MED13L: variants seen among roughly 807,000 people sequenced by gnomAD.
The protein encoded by MED13L is mediator of RNA polymerase II transcription subunit 13-like.
A neutral mutation model predicts 220.9 loss-of-function variants in MED13L; 7 were observed. The observed-to-expected ratio is 0.03, with a 90% confidence interval of 0.02 to 0.06. The LOEUF (loss-of-function observed/expected upper bound fraction) is 0.06. Among genes scored for constraint, MED13L ranks in the 10% least tolerant of loss-of-function variants. The pLI is 1.00. For missense variants in MED13L, 1,965 were observed against 2,760.5 expected (o/e 0.71, Z 6.46); for synonymous variants, 1,011 against 1,015.2 (o/e 1.00, Z 0.08).
chr12:116,120,477 T>TCACACACA (rs1158069310), intron 2 of MED13L, among the ~76,000 whole-genome samples: 80 of 79,464 alleles, frequency 1.0e-3, no homozygotes, highest in Admixed American at 1.9e-3. Flanking sequence ...TCTCTCTCTC[T>TCACACACA]CACACACACA....
At chr12:116,140,562 T>C (rs1876981604) in intron 2 of MED13L, among the ~76,000 whole-genome samples, 1 of 152,174 alleles carries the variant, frequency 6.6e-6, no homozygotes, top group South Asian at 2.1e-4. Context: ...TCTCTAAGGT[T>C]TTTAAACAGA....
intron 2 of MED13L, among the ~76,000 whole-genome samples, chr12:116,116,068 A>G (rs1450799178): frequency 6.6e-6 from 1 of 152,238 alleles, no homozygotes; most frequent in Non-Finnish European, 1.5e-5. Flanking sequence ...GTTTCCTGAC[A>G]TACAGCTCCT....
intron 2 of MED13L, among the ~76,000 whole-genome samples, chr12:116,130,055 A>AGATCT (rs2137998430): frequency 6.6e-6 from 1 of 152,360 alleles, no homozygotes; most frequent in African/African-American, 2.4e-5. Flanking sequence ...AGGCTCTATA[A>AGATCT]CAGACCCTTG....
In MED13L at chr12:116,237,458, G is replaced by A. The variant is rs769475245; in HGVS notation, c.310+10C>T. On this transcript the variant is annotated intron_variant, in intron 2 of 30. Coordinates refer to ENST00000281928, the MANE Select transcript of MED13L (RefSeq NM_015335.5). ...GCAAATAATTTTTAAGAAAAAAACA[G>A]AAACCTTACCCTGCAGTTCATGATG... The A allele has an allele frequency of 1.3e-6, 2 of 1,586,720 alleles. No individual in the cohort carries two copies. Among genetic ancestry groups the A allele is most frequent in the African/African-American group, 1.3e-5 (1 of 74,276 alleles).
At chr12:116,267,970 G>A (rs1354391249) in intron 1 of MED13L, among the ~76,000 whole-genome samples, 1 of 152,118 alleles carries the variant, frequency 6.6e-6, no homozygotes, top group Non-Finnish European at 1.5e-5. Context: ...AATATATTCA[G>A]AACACAGAGT....
At chr12:116,197,537 C>G (rs1052457716) in intron 2 of MED13L, among the ~76,000 whole-genome samples, 1 of 152,006 alleles carries the variant, frequency 6.6e-6, no homozygotes, top group Non-Finnish European at 1.5e-5. Context: ...GAGGCCGAGG[C>G]GGGCGGATCA....
chr12:116,273,318 TA>T (rs1223377660), intron 1 of MED13L, among the ~76,000 whole-genome samples: 2 of 151,522 alleles, frequency 1.3e-5, no homozygotes, highest in Non-Finnish European at 2.9e-5. Flanking sequence ...AAATAAAAAA[TA>T]AAAAGAAAGA....
intron 2 of MED13L, among the ~76,000 whole-genome samples, chr12:116,113,841 G>A (rs1419504301): frequency 3.9e-4 from 23 of 59,026 alleles, no homozygotes; most frequent in Admixed American, 2.3e-3. Context: ...AGGGAGGGGG[G>A]AAGAGAGAGA....
At chr12:116,026,548 G>A (rs1880404960) in intron 4 of MED13L, among the ~76,000 whole-genome samples, 1 of 152,156 alleles carries the variant, frequency 6.6e-6, no homozygotes, top group South Asian at 2.1e-4. Flanking sequence ...CTCTGATTCA[G>A]GAGGTTTAGG....
At chr12:116,251,654 G>A (rs555513418) in intron 1 of MED13L, among the ~76,000 whole-genome samples, 5 of 151,168 alleles carry the variant, frequency 3.3e-5, no homozygotes, top group Admixed American at 6.6e-5. Flanking sequence ...CCAGCTACTC[G>A]GGAGGCTGAG....
intron 1 of MED13L, among the ~76,000 whole-genome samples, chr12:116,250,856 T>G (rs948498350): frequency 1.3e-5 from 2 of 148,726 alleles, no homozygotes; most frequent in African/African-American, 4.9e-5. Context: ...ACAGCAAAAA[T>G]GATAATGCCT....
intron 2 of MED13L, among the ~76,000 whole-genome samples, chr12:116,143,207 T>A (rs1877222406): frequency 6.6e-6 from 1 of 151,758 alleles, no homozygotes; most frequent in Non-Finnish European, 1.5e-5. Context: ...CCTCAAGAAA[T>A]TTTCAAAATA....
At chr12:116,127,456 C>T (rs1875693506) in intron 2 of MED13L, among the ~76,000 whole-genome samples, 1 of 152,132 alleles carries the variant, frequency 6.6e-6, no homozygotes, top group African/African-American at 2.4e-5. Flanking sequence ...TTTACCCAAA[C>T]TTTTTATACT....
chr12:116,180,942 T>C (rs1227800082), intron 2 of MED13L, among the ~76,000 whole-genome samples: 1 of 151,568 alleles, frequency 6.6e-6, no homozygotes, highest in Non-Finnish European at 1.5e-5. Context: ...TTTTTTTTTT[T>C]TTTTTTGAAA....
intron 16 of MED13L, among the ~76,000 whole-genome samples, chr12:115,995,036 C>T (rs543340193): frequency 1.3e-5 from 2 of 152,322 alleles, no homozygotes; most frequent in African/African-American, 4.8e-5. Flanking sequence ...CTTATTAATA[C>T]TGCAAGTGTA....
intron 4 of MED13L, among the ~76,000 whole-genome samples, chr12:116,069,238 T>C (rs913915340): frequency 5.3e-5 from 8 of 152,166 alleles, no homozygotes; most frequent in African/African-American, 1.9e-4. Flanking sequence ...TTAAGAACAA[T>C]TCTAACTTTT....
intron 2 of MED13L, among the ~76,000 whole-genome samples, chr12:116,136,903 T>C (rs1042045836): frequency 2.6e-5 from 4 of 152,170 alleles, no homozygotes; most frequent in East Asian, 1.9e-4. Context: ...CTGAATAAAC[T>C]TGAGATCCTA....
chr12:116,006,179 T>C (rs1026049589), intron 12 of MED13L, 127 bp downstream of exon 12: 15 of 1,234,392 alleles, frequency 1.2e-5, no homozygotes, highest in Middle Eastern at 4.6e-4. Context: ...AAACAAACTA[T>C]GAAAAATATA....
chr12:116,096,354 C>CAAAAAAAAAAAAAAAAAAAAAAAAAAAA (rs537207957), intron 4 of MED13L, among the ~76,000 whole-genome samples: 9 of 23,562 alleles, frequency 3.8e-4, no homozygotes, highest in African/African-American at 5.2e-4. Context: ...GACACAGCCT[C>CAAAAAAAAAAAAAAAAAAAAAAAAAAAA]AAAAAAAAAA....
Sources: allele counts gnomAD v4.1 joint callset (sites outside exome capture counted in the v4.1 genomes callset), GRCh38; gene constraint gnomAD v4.1.1; transcripts MANE v1.5; gene names NCBI Gene and HGNC (gene_info 2026-07-23, HGNC 2026-07-21).